LHFPL3: variants seen among roughly 807,000 people sequenced by gnomAD.
LHFPL3 encodes the protein LHFPL tetraspan subfamily member 3 protein.
Under a neutral mutation model 19.3 loss-of-function variants are expected in LHFPL3, and 5 were observed. The ratio of observed to expected loss-of-function variants is 0.26; its 90% CI spans 0.14 to 0.54. The LOEUF (loss-of-function observed/expected upper bound fraction) is 0.54, where lower values mean the gene tolerates loss of function less well. Ranked by LOEUF, LHFPL3 falls within the 20% of genes least tolerant of loss-of-function variation. LHFPL3 has a pLI of 0.94. For synonymous variants in LHFPL3, 133 were observed against 126.2 expected (o/e 1.05, Z -0.36); for missense variants, 249 against 307.4 (o/e 0.81, Z 1.42).
intron 1 of LHFPL3, among the ~76,000 whole-genome samples, chr7:104,525,094 GGT>G (rs538948463): frequency 7.5e-4 from 114 of 152,166 alleles, no homozygotes; most frequent in African/African-American, 2.7e-3. Flanking sequence ...AGTAATAGTG[GGT>G]GTGTTTGTTT....
chr7:104,666,768 C>T (rs906359657), intron 1 of LHFPL3, among the ~76,000 whole-genome samples: 1 of 151,646 alleles, frequency 6.6e-6, no homozygotes, highest in Non-Finnish European at 1.5e-5. Flanking sequence ...GTGATCCGCC[C>T]GCCTCGGCCT....
At chr7:104,807,391 G>T (rs977359772) in intron 2 of LHFPL3, among the ~76,000 whole-genome samples, 1 of 152,126 alleles carries the variant, frequency 6.6e-6, no homozygotes, top group Non-Finnish European at 1.5e-5. Flanking sequence ...CTCGATCCTG[G>T]ACTTCTAGTC....
At chr7:104,777,638 T>G (rs1486986736) in intron 2 of LHFPL3, among the ~76,000 whole-genome samples, 1 of 152,214 alleles carries the variant, frequency 6.6e-6, no homozygotes, top group Non-Finnish European at 1.5e-5. Flanking sequence ...AGTGCCTGAT[T>G]GCCAGCACTA....
At chr7:104,837,733 T>C (rs1791125062) in intron 2 of LHFPL3, among the ~76,000 whole-genome samples, 1 of 152,166 alleles carries the variant, frequency 6.6e-6, no homozygotes, top group South Asian at 2.1e-4. Flanking sequence ...CTGGGCAGTA[T>C]ACACTGCACC....
At chr7:104,438,462 T>G (rs1792154780) in intron 1 of LHFPL3, among the ~76,000 whole-genome samples, 1 of 152,250 alleles carries the variant, frequency 6.6e-6, no homozygotes, top group African/African-American at 2.4e-5. Context: ...CTTTAGAGAC[T>G]TACAAAAATA....
chr7:104,368,086 A>G (rs1202538390), intron 1 of LHFPL3, among the ~76,000 whole-genome samples: 1 of 152,212 alleles, frequency 6.6e-6, no homozygotes, highest in Non-Finnish European at 1.5e-5. Flanking sequence ...AGAGAGAAGT[A>G]TTGAGTGAAG....
intron 2 of LHFPL3, among the ~76,000 whole-genome samples, chr7:104,749,832 T>G (rs1387130528): frequency 6.6e-6 from 1 of 152,254 alleles, no homozygotes. Flanking sequence ...GTTTTCCAAG[T>G]TAATGGTATG....
chr7:104,387,139 G>C (rs1790962113), intron 1 of LHFPL3, among the ~76,000 whole-genome samples: 2 of 152,152 alleles, frequency 1.3e-5, no homozygotes, highest in Admixed American at 1.3e-4. Context: ...ATATAAAAAT[G>C]ATGTCTCAGC....
intron 1 of LHFPL3, among the ~76,000 whole-genome samples, chr7:104,623,718 C>T (rs1791493857): frequency 6.7e-6 from 1 of 149,234 alleles, no homozygotes; most frequent in African/African-American, 2.5e-5. Context: ...TCCAAACAGC[C>T]ATATGCAGAG....
rs71153195 is a variant in LHFPL3, at chr7:104,420,554, A to ATTTTTTTTTT, written c.445+91344_445+91353dup. Among the ~76,000 whole-genome samples the ATTTTTTTTTT allele has an allele frequency of 4.4e-5, 5 of 112,706 alleles. No homozygotes were observed. In the East Asian group the frequency reaches 9.5e-4, roughly 21 times the overall value. The allele number at this position is 112,706 out of a possible 152,430, so 73.9% of individuals were successfully genotyped here. ...TTACTGGTGGCCTCCCAAAGGGTGA[A>ATTTTTTTTTT]TTTTTTTTTTTTTTTTTTTTTTTGA... On this transcript the variant is annotated intron_variant, in intron 1 of 2. Transcript: ENST00000424859.
chr7:104,541,546 G>T (rs1053316444), intron 1 of LHFPL3, among the ~76,000 whole-genome samples: 3 of 152,120 alleles, frequency 2.0e-5, no homozygotes, highest in African/African-American at 7.2e-5. Context: ...CCATGAGGAA[G>T]GAAAGGAAAG....
intron 1 of LHFPL3, among the ~76,000 whole-genome samples, chr7:104,491,234 G>C (rs1315288933): frequency 6.6e-6 from 1 of 152,042 alleles, no homozygotes; most frequent in Non-Finnish European, 1.5e-5. Flanking sequence ...CAGGAATTCT[G>C]GTCATTTCCC....
chr7:104,730,596 GT>G (rs143537001), intron 1 of LHFPL3, among the ~76,000 whole-genome samples: 1 of 151,788 alleles, frequency 6.6e-6, no homozygotes, highest in Non-Finnish European at 1.5e-5. Flanking sequence ...GGGGTTGTTT[GT>G]TTTTTTCTTG....
chr7:104,649,620 G>A lies in LHFPL3; in HGVS notation c.446-87055G>A, dbSNP rs139771254. 4.6e-5 allele frequency among the ~76,000 whole-genome samples: 7 copies of A among 152,288 alleles called. No individual in the cohort carries two copies. In the East Asian group the frequency reaches 1.2e-3, roughly 25 times the overall value. The stretch of plus-strand genomic sequence containing the variant: ...AAACCATAACATTTGATGGATTTCA[G>A]ATTTTGAAAAACTAAACAAAGCCTC... On this transcript the variant is annotated intron_variant, in intron 1 of 2. Transcript: ENST00000424859.
chr7:104,880,366 T>A (rs1044170181), intron 2 of LHFPL3, among the ~76,000 whole-genome samples: 3 of 152,092 alleles, frequency 2.0e-5, no homozygotes, highest in African/African-American at 7.2e-5. Context: ...GAGGAGATGC[T>A]GCTGCCATGC....
At position 104,559,196 on chromosome 7, in the gene LHFPL3, G is replaced by GT. The variant is rs1320636158; in HGVS notation, c.446-177473dup. Among the ~76,000 whole-genome samples the GT allele has an allele frequency of 4.7e-4, 63 of 132,790 alleles. 1 individual carries two copies. In the East Asian group the frequency reaches 0.01, roughly 21 times the overall value. 87.1% of individuals were successfully genotyped at this position (132,790 alleles called of 152,430 possible). On this transcript the variant is annotated intron_variant, in intron 1 of 2. Transcript: ENST00000424859. Reference sequence around the variant, plus strand: ...TTGGTTCCATATGAACTTTAAAGTAGTTTTTTCCAATTCTGTGAAGAAAGT... The same window carrying GT: ...TTGGTTCCATATGAACTTTAAAGTAGTTTTTTTCCAATTCTGTGAAGAAAGT...
chr7:104,841,754 T>C (rs1791214866), intron 2 of LHFPL3, among the ~76,000 whole-genome samples: 1 of 152,170 alleles, frequency 6.6e-6, no homozygotes, highest in African/African-American at 2.4e-5. Context: ...TTTGCACCCA[T>C]TTATTTGAGT....
chr7:104,430,994 T>C (rs1791992559), intron 1 of LHFPL3, among the ~76,000 whole-genome samples: 1 of 152,100 alleles, frequency 6.6e-6, no homozygotes, highest in Admixed American at 6.5e-5. Flanking sequence ...AATAAAATAA[T>C]AAATAAAATA....
intron 2 of LHFPL3, among the ~76,000 whole-genome samples, chr7:104,872,903 A>G (rs1167887795): frequency 6.6e-6 from 1 of 152,244 alleles, no homozygotes; most frequent in Admixed American, 6.5e-5. Flanking sequence ...ATCGTTTACT[A>G]TCAGTATCAA....
Sources: allele counts gnomAD v4.1 joint callset (sites outside exome capture counted in the v4.1 genomes callset), GRCh38; gene constraint gnomAD v4.1.1; transcripts MANE v1.5; gene names NCBI Gene and HGNC (gene_info 2026-07-23, HGNC 2026-07-21).